Variants in FGFR3 observed in about 807,000 individuals in gnomAD.
The protein encoded by FGFR3 is fibroblast growth factor receptor 3, also known as FGFR-3.
Under a neutral mutation model 82.9 loss-of-function variants are expected in FGFR3, and 25 were observed. The observed-to-expected ratio is 0.30, with a 90% CI of 0.22 to 0.42. The LOEUF (loss-of-function observed/expected upper bound fraction) is 0.42, where lower values mean the gene tolerates loss of function less well. Ranked by LOEUF, FGFR3 falls within the 10% of genes least tolerant of loss-of-function variation. FGFR3 has a pLI of 1.00. For synonymous variants in FGFR3, 620 were observed against 516.0 expected, an observed-to-expected ratio of 1.20 and a Z score of -2.73; for missense variants, 1,026 against 1,161.0, an observed-to-expected ratio of 0.88 and a Z score of 1.69.
intron 10 of FGFR3, 112 bp from the exon 11 acceptor site, chr4:1,805,243 C>T (rs377569596): frequency 1.9e-6 from 3 of 1,564,514 alleles, no homozygotes; most frequent in East Asian, 2.2e-5. Context: ...GGAGGGCTTC[C>T]TGGAGGTGGT....
intron 2 of FGFR3, among the ~76,000 whole-genome samples, chr4:1,796,856 G>A (rs572661879): frequency 4.9e-4 from 74 of 152,326 alleles, no homozygotes; most frequent in African/African-American, 1.6e-3. Flanking sequence ...TCCTGGGCCT[G>A]TGGGGTGGGA....
At chr4:1,805,241 T>C (rs1283684517) in intron 10 of FGFR3, 114 bp from the exon 11 acceptor site, 1 of 1,559,432 alleles carries the variant, frequency 6.4e-7, no homozygotes, top group Non-Finnish European at 8.7e-7. Context: ...ATGGAGGGCT[T>C]CCTGGAGGTG....
intron 2 of FGFR3, among the ~76,000 whole-genome samples, chr4:1,795,486 A>G (rs540422623): frequency 2.9e-3 from 428 of 145,088 alleles, no homozygotes; most frequent in African/African-American, 0.01. Context: ...TAGTGAGTTG[A>G]TCGGTCAATA....
At chr4:1,797,575 T>C (rs3135858) in intron 2 of FGFR3, among the ~76,000 whole-genome samples, 180 of 152,352 alleles carry the variant, frequency 1.2e-3, no homozygotes, top group African/African-American at 4.2e-3. Context: ...GCTGTTGCCC[T>C]TGGGCCAGGG....
intron 9 of FGFR3, 121 bp from the exon 10 acceptor site, chr4:1,804,703 T>C (rs1721654061): frequency 1.4e-6 from 2 of 1,439,670 alleles, no homozygotes; most frequent in South Asian, 1.2e-5. Context: ...ATTCTAAAAA[T>C]CTTCATTCAA....
At position 1,806,983 on chromosome 4, in the gene FGFR3, G is replaced by A. The variant is rs1379765761; in HGVS notation, c.2274+49G>A. On this transcript the variant is annotated intron_variant, in intron 17 of 17. Transcript: ENST00000440486. ...GCCACCCGCCTATGCCCCTCCCCCT[G>A]CCGTCCCCGGCCATCCTGCCCCCCA... 2.6e-6 allele frequency: 4 copies of A among 1,561,462 alleles called. No homozygotes were observed. The African/African-American group carries it at 5.4e-5, about 21-fold the overall frequency.
intron 2 of FGFR3, among the ~76,000 whole-genome samples, chr4:1,794,889 G>A (rs1226919291): frequency 6.6e-6 from 1 of 151,490 alleles, no homozygotes; most frequent in African/African-American, 2.4e-5. Context: ...GGCCCGGTGA[G>A]CTCGCGCCCC....
rs1350499221 is a variant in FGFR3 at position 1,804,630 on chromosome 4, C to T, written c.1266+110C>T. On this transcript the variant is annotated intron_variant, in intron 9 of 17. Coordinates refer to ENST00000440486, the MANE Select transcript of FGFR3 (RefSeq NM_000142.5). ...TGTGTGAGCCCTCTCTGCAGCCAGG[C>T]GGGCTCCCCTCTCCTCGTCTCTGCT... 48 of 1,488,568 alleles carry T rather than the reference C, an allele frequency of 3.2e-5. No individual in the cohort carries two copies. The East Asian group carries it at 7.0e-4, about 22-fold the overall frequency. The allele number at this position is 1,488,568 out of a possible 1,614,324, so 92.2% of individuals were successfully genotyped here. A position where few individuals can be genotyped will look rare whatever the true frequency, so the allele number is the denominator to read the frequency against.
At chr4:1,800,969 C>T (rs1197738475) in intron 4 of FGFR3, among the ~76,000 whole-genome samples, 4 of 152,180 alleles carry the variant, frequency 2.6e-5, no homozygotes, top group Admixed American at 1.3e-4. Flanking sequence ...GCTCTGCAGG[C>T]GACTGGGCTC....
chr4:1,804,395 G>A lies in FGFR3; in HGVS notation c.1141G>A (p.Val381Met), dbSNP rs149023204. Residue 381 changes from valine to methionine, a missense_variant, in exon 9 of 18, where the codon GTG becomes ATG. By Grantham distance (21) the Val-to-Met change is conservative. This residue lies in a region of FGFR3 where 256 missense variants were observed against 217.6 expected (regional missense o/e 1.18). Coordinates refer to ENST00000440486, the MANE Select transcript of FGFR3 (RefSeq NM_000142.5). ...GTATGCAGGCATCCTCAGCTACGGG[G>A]TGGGCTTCTTCCTGTTCATCCTGGT... ...SVYAGILSYG[V>M]GFFLFILVVA... 7.4e-6 allele frequency: 12 copies of A among 1,613,226 alleles called. No individual in the cohort carries two copies. Among genetic ancestry groups the A allele is most frequent in the East Asian group, 2.2e-5 (1 of 44,880 alleles).
intron 2 of FGFR3, among the ~76,000 whole-genome samples, chr4:1,798,736 G>A (rs933392043): frequency 1.2e-4 from 19 of 152,228 alleles, no homozygotes; most frequent in Middle Eastern, 3.4e-3. Flanking sequence ...CCCTCCTGGG[G>A]TGAATCTGCA....
rs1161547820 is a variant in FGFR3 at position 1,801,444 on chromosome 4, C to T, written c.523C>T (p.Arg175Cys). 3.9e-6 allele frequency: 6 copies of T among 1,552,804 alleles called. No individual in the cohort carries two copies. The highest frequency in any genetic ancestry group is 1.7e-4 in the Middle Eastern group (1 of 5,994). Reference protein sequence around the residue: ...AVPAANTVRFRCPAAGNPTPS... With the variant: ...AVPAANTVRFCCPAAGNPTPS... ...GCCGGCCGCCAACACCGTCCGCTTC[C>T]GCTGCCCAGCCGCTGGCAACCCCAC... The change falls in exon 5 of 18, where the codon CGC (arginine) becomes TGC (cysteine). Residue 175 changes from arginine to cysteine, a missense_variant. This residue lies in a region of FGFR3 where 147 missense variants were observed against 228.1 expected (regional missense o/e 0.64). Transcript: ENST00000440486.
intron 7 of FGFR3, 60 bp from the exon 8 acceptor site, chr4:1,803,632 C>A: frequency 6.3e-7 from 1 of 1,590,364 alleles, no homozygotes; most frequent in South Asian, 1.1e-5. Context: ...CGTGTGGACT[C>A]TGTGCGGTGC....
At position 1,796,198 on chromosome 4, in the gene FGFR3, G is replaced by T. The variant is rs144907155; in HGVS notation, c.109+2155G>T. ...AGGGGTCAGCCTGGACCTCTAGGCTGCCAGCTCAGGCTCGGGTGCCCTCTT... is the reference window on the plus strand; with the variant it reads ...AGGGGTCAGCCTGGACCTCTAGGCTTCCAGCTCAGGCTCGGGTGCCCTCTT... On this transcript the variant is annotated intron_variant, in intron 2 of 17. Coordinates refer to ENST00000440486, the MANE Select transcript of FGFR3 (RefSeq NM_000142.5). Among the ~76,000 whole-genome samples, 452 of 152,292 alleles carry T rather than the reference G, an allele frequency of 3.0e-3. 1 individual carries two copies. The highest frequency in any genetic ancestry group is 4.9e-3 in the Non-Finnish European group (331 of 68,014).
At position 1,806,935 on chromosome 4, in the gene FGFR3, G is replaced by A. The variant is rs777159230; in HGVS notation, c.2274+1G>A. The stretch of plus-strand genomic sequence containing the variant: ...TGTCCTTACCGTGACGTCCACCGAC[G>A]TGAGTGCTGGCTCTGGCCTGGTGCC... On this transcript the variant is annotated splice_donor_variant, in intron 17 of 17. Transcript: ENST00000440486. LOFTEE classifies it high-confidence loss of function. 1.9e-6 allele frequency: 3 copies of A among 1,599,908 alleles called. No individual in the cohort carries two copies. The highest frequency in any genetic ancestry group is 2.3e-5 in the East Asian group (1 of 44,194).
At position 1,807,410 on chromosome 4, in the gene FGFR3, T is replaced by A; in HGVS notation, c.*148T>A. The A allele has an allele frequency of 8.6e-7, 1 of 1,168,638 alleles. No homozygotes were observed. The highest frequency in any genetic ancestry group is 2.6e-5 in the East Asian group (1 of 38,732). The allele number at this position is 1,168,638 out of a possible 1,614,324, so 72.4% of individuals were successfully genotyped here. A position where few individuals can be genotyped will look rare whatever the true frequency, so the allele number is the denominator to read the frequency against. ...GTGTGTGTGTGTGTGCGTGTGTGTG[T>A]GTGTGTGTGCACATCCGCGTGTGCC... On this transcript the variant is annotated 3_prime_UTR_variant, in exon 18 of 18. Coordinates refer to ENST00000440486, the MANE Select transcript of FGFR3 (RefSeq NM_000142.5).
chr4:1,806,218 G>A (rs2108808161), intron 14 of FGFR3, 39 bp from the exon 15 acceptor site: 1 of 1,612,786 alleles, frequency 6.2e-7, no homozygotes, highest in South Asian at 1.1e-5. Flanking sequence ...ATGCCAGTAG[G>A]ACGCCTGGCG....
chr4:1,794,727 G>C (rs1720266036), intron 2 of FGFR3, among the ~76,000 whole-genome samples: 1 of 152,084 alleles, frequency 6.6e-6, no homozygotes, highest in Non-Finnish European at 1.5e-5. Flanking sequence ...GGGAGGGGAA[G>C]GGGCGCCCGG....
At position 1,793,297 on chromosome 4, in the gene FGFR3, C is replaced by G. The variant is rs1302010400; in HGVS notation, c.-271C>G. On this transcript the variant is annotated 5_prime_UTR_variant, in exon 1 of 18. Coordinates refer to ENST00000440486, the MANE Select transcript of FGFR3 (RefSeq NM_000142.5). ...CGCGCGGGGCAGCCCAGGCTCAGTGCGCGGTGGCGGCGGCGTCGCGGGCAG... is the reference window on the plus strand; with the variant it reads ...CGCGCGGGGCAGCCCAGGCTCAGTGGGCGGTGGCGGCGGCGTCGCGGGCAG... 2 of 146,484 alleles carry G rather than the reference C, an allele frequency of 1.4e-5. No homozygotes were observed. The highest frequency in any genetic ancestry group is 3.0e-5 in the Non-Finnish European group (2 of 65,818). The allele number at this position is 146,484 out of a possible 1,614,324, so 9.1% of individuals were successfully genotyped here.
Sources: gnomAD v4.1 joint callset for allele counts (sites outside exome capture counted in the v4.1 genomes callset) on GRCh38, gnomAD v4.1.1 for gene constraint, gnomAD v4.1.1 regional missense constraint, MANE v1.5 for transcripts, NCBI Gene and HGNC (gene_info 2026-07-23, HGNC 2026-07-21) for gene names.